The following MGAT5 variants were observed in gnomAD, a reference collection of about 807,000 sequenced individuals.
MGAT5 encodes the protein alpha-1,6-mannosylglycoprotein 6-beta-N-acetylglucosaminyltransferase, also known as alpha-1,6-mannosylglycoprotein 6-beta-N-acetylglucosaminyltransferase A.
In MGAT5, 30 loss-of-function variants were observed where a neutral mutation model predicts 94.3. That is an observed-to-expected ratio of 0.32 (90% CI 0.24 to 0.43). The LOEUF is 0.43. Among genes scored for constraint, MGAT5 ranks in the 20% least tolerant of loss-of-function variants. MGAT5 has a pLI of 1.00. For synonymous variants in MGAT5, 310 were observed against 322.9 expected (o/e 0.96, Z 0.43); for missense variants, 691 against 905.5 (o/e 0.76, Z 3.04).
intron 2 of MGAT5, among the ~76,000 whole-genome samples, chr2:134,302,716 CTGTGTGTGTGTGTGTGTGTGTGTGTG>C (rs3034344): frequency 8.2e-5 from 11 of 133,596 alleles, no homozygotes; most frequent in South Asian, 2.7e-4. Flanking sequence ...TTAAGAAATG[CTGTGTGTGTGTGTGTGTGTGTGTGTG>C]TGTGTGTGTG....
Position 134,137,446 on chromosome 2 carries a change from T to G in MGAT5, c.-143+17155T>G, listed in dbSNP as rs144547359. Among the ~76,000 whole-genome samples, 422 of 152,316 alleles carry G rather than the reference T, an allele frequency of 2.8e-3. 1 individual carries two copies. The highest frequency in any genetic ancestry group is 9.6e-3 in the African/African-American group (400 of 41,564). Reference sequence around the variant, plus strand: ...CCTTTTCTGTTTCTGGAAACTTCTCTTGATAGGAAATGACTCTGTCCACAG... The same window carrying G: ...CCTTTTCTGTTTCTGGAAACTTCTCGTGATAGGAAATGACTCTGTCCACAG... On this transcript the variant is annotated intron_variant, in intron 1 of 16. Coordinates refer to the MGAT5 transcript ENST00000409645.
rs1553457734 is a variant in MGAT5 at position 134,381,382 on chromosome 2, T to TAGA, written c.1380+18974_1380+18975insAGA. On this transcript the variant is annotated intron_variant, in intron 10 of 15. Transcript: ENST00000281923. The stretch of plus-strand genomic sequence containing the variant: ...AGATAGATAGATAAGATAAGATAGA[T>TAGA]TAGATAGATAGATAGATAGATAGAT... Among the ~76,000 whole-genome samples, 625 of 108,116 alleles carry TAGA rather than the reference T, an allele frequency of 5.8e-3. 10 individuals carry two copies. Among genetic ancestry groups the TAGA allele is most frequent in the Middle Eastern group, 0.025 (4 of 162 alleles). 70.9% of individuals were successfully genotyped at this position (108,116 alleles called of 152,430 possible).
chr2:134,311,220 T>G (rs1039499344), intron 2 of MGAT5, among the ~76,000 whole-genome samples: 3 of 152,208 alleles, frequency 2.0e-5, no homozygotes, highest in Non-Finnish European at 2.9e-5. Context: ...TCTTTGAGGT[T>G]TCTGAGAGTT....
intron 1 of MGAT5, among the ~76,000 whole-genome samples, chr2:134,219,910 A>G (rs866733982): frequency 2.9e-4 from 44 of 152,034 alleles, no homozygotes; most frequent in African/African-American, 8.4e-4. Context: ...AGATGGCACT[A>G]CTCCCTTACT....
chr2:134,349,265 T>C (rs1679207159), intron 8 of MGAT5, among the ~76,000 whole-genome samples: 1 of 152,208 alleles, frequency 6.6e-6, no homozygotes, highest in African/African-American at 2.4e-5. Context: ...GTTCTATTAC[T>C]ATCAGATATA....
chr2:134,265,136 C>G (rs746021099), intron 1 of MGAT5, among the ~76,000 whole-genome samples: 2 of 152,120 alleles, frequency 1.3e-5, no homozygotes, highest in Non-Finnish European at 2.9e-5. Flanking sequence ...GAAGCATGTT[C>G]CAGGAAAAAT....
chr2:134,313,380 A>C (rs898629040), intron 2 of MGAT5, among the ~76,000 whole-genome samples: 4 of 152,152 alleles, frequency 2.6e-5, no homozygotes, highest in Non-Finnish European at 5.9e-5. Context: ...CACCCACTAC[A>C]TCGTATGGGC....
At chr2:134,189,143 GGATT>G (rs1689189861) in intron 1 of MGAT5, among the ~76,000 whole-genome samples, 1 of 152,172 alleles carries the variant, frequency 6.6e-6, no homozygotes, top group Non-Finnish European at 1.5e-5. Flanking sequence ...TACATAGGCA[GGATT>G]GATTGAGTAC....
intron 2 of MGAT5, among the ~76,000 whole-genome samples, chr2:134,272,432 C>T (rs983607870): frequency 6.6e-6 from 1 of 151,792 alleles, no homozygotes; most frequent in Non-Finnish European, 1.5e-5. Context: ...TGATTAACCT[C>T]ATTTGCATGT....
At chr2:134,293,098 C>G (rs1178938975) in intron 2 of MGAT5, among the ~76,000 whole-genome samples, 1 of 152,176 alleles carries the variant, frequency 6.6e-6, no homozygotes, top group Non-Finnish European at 1.5e-5. Flanking sequence ...TGAAAGGTAG[C>G]CTATTCTCAT....
chr2:134,393,953 G>T (rs1369101996), intron 10 of MGAT5, among the ~76,000 whole-genome samples: 1 of 151,164 alleles, frequency 6.6e-6, no homozygotes, highest in Non-Finnish European at 1.5e-5. Flanking sequence ...TTGAATTCAG[G>T]CTGCCCTTTT....
intron 1 of MGAT5, among the ~76,000 whole-genome samples, chr2:134,159,873 C>T (rs554726714): frequency 6.6e-6 from 1 of 152,298 alleles, no homozygotes; most frequent in East Asian, 1.9e-4. Flanking sequence ...TCCTTACTCC[C>T]TAGAAGATTC....
intron 1 of MGAT5, among the ~76,000 whole-genome samples, chr2:134,265,376 G>T (rs1455932908): frequency 3.3e-5 from 5 of 152,180 alleles, no homozygotes; most frequent in Non-Finnish European, 7.3e-5. Flanking sequence ...CTCCTTGGCT[G>T]TCTGCTCAAG....
chr2:134,205,954 A>G (rs1680006245), intron 1 of MGAT5, among the ~76,000 whole-genome samples: 1 of 152,222 alleles, frequency 6.6e-6, no homozygotes, highest in African/African-American at 2.4e-5. Flanking sequence ...AGTGATTAAT[A>G]ACTGCTTAAA....
Position 134,306,253 on chromosome 2 carries a change from G to A in MGAT5, c.407-11276G>A, listed in dbSNP as rs138233972. 4.6e-3 allele frequency among the ~76,000 whole-genome samples: 703 copies of A among 151,908 alleles called. 8 individuals are homozygous for A. Among genetic ancestry groups the A allele is most frequent in the African/African-American group, 0.016 (647 of 41,452 alleles). ...AATTAAATATAAACTTACAGAAAAT[G>A]GTATTTACATAGAAATGAATACATG... On this transcript the variant is annotated intron_variant, in intron 2 of 15. Transcript: ENST00000281923.
At chr2:134,359,772 C>G (rs1679965526) in intron 9 of MGAT5, among the ~76,000 whole-genome samples, 2 of 152,208 alleles carry the variant, frequency 1.3e-5, no homozygotes, top group East Asian at 3.8e-4. Flanking sequence ...TCCTCCTGGA[C>G]TTGTGGCTTT....
intron 2 of MGAT5, among the ~76,000 whole-genome samples, chr2:134,287,240 A>C (rs1194216483): frequency 1.3e-5 from 2 of 152,058 alleles, no homozygotes; most frequent in Non-Finnish European, 2.9e-5. Context: ...TAATTCTTCT[A>C]TTTTAGTCTT....
intron 4 of MGAT5, among the ~76,000 whole-genome samples, chr2:134,323,147 G>A (rs1256251935): frequency 2.0e-5 from 3 of 152,092 alleles, no homozygotes; most frequent in Admixed American, 2.0e-4. Flanking sequence ...TCACCAACTT[G>A]TAGTCTATGG....
chr2:134,344,399 C>T (rs1688805630), intron 7 of MGAT5, among the ~76,000 whole-genome samples: 1 of 151,396 alleles, frequency 6.6e-6, no homozygotes, highest in Non-Finnish European at 1.5e-5. Context: ...ACTATAGAGG[C>T]TAGAAATTGA....
Sources: allele counts gnomAD v4.1 joint callset (sites outside exome capture counted in the v4.1 genomes callset), GRCh38; gene constraint gnomAD v4.1.1; transcripts MANE v1.5; gene names NCBI Gene and HGNC (gene_info 2026-07-23, HGNC 2026-07-21).